The following GLRB variants were observed in gnomAD, a reference collection of about 807,000 sequenced individuals.
GLRB encodes glycine receptor beta.
GLRB carries 33 observed loss-of-function variants against 54.2 expected under a neutral mutation model. The ratio of observed to expected loss-of-function variants is 0.61; its 90% CI spans 0.46 to 0.81. The LOEUF (loss-of-function observed/expected upper bound fraction) is 0.81. GLRB is among the 40% of genes least tolerant of loss of function. GLRB has a pLI of 0.00. For missense variants in GLRB, 572 were observed against 584.6 expected, an observed-to-expected ratio of 0.98 and a Z score of 0.22; for synonymous variants, 209 against 208.2, an observed-to-expected ratio of 1.00 and a Z score of -0.03.
intron 2 of GLRB, among the ~76,000 whole-genome samples, chr4:157,092,472 G>T (rs887568361): frequency 3.3e-5 from 5 of 152,178 alleles, no homozygotes; most frequent in African/African-American, 1.2e-4. Flanking sequence ...AAGTGGTTTT[G>T]CATGTTTACT....
At chr4:157,095,054 C>T (rs1734755076) in intron 2 of GLRB, among the ~76,000 whole-genome samples, 1 of 152,126 alleles carries the variant, frequency 6.6e-6, no homozygotes, top group Non-Finnish European at 1.5e-5. Flanking sequence ...GAACTTTGGT[C>T]GTGCTGATCT....
At chr4:157,132,501 T>G (rs1736253362) in intron 4 of GLRB, among the ~76,000 whole-genome samples, 1 of 151,874 alleles carries the variant, frequency 6.6e-6, no homozygotes, top group Non-Finnish European at 1.5e-5. Context: ...CTGTCAAAGT[T>G]TTTACTCTTT....
rs528903486 is a variant in GLRB, at chr4:157,163,178, G to A, written c.1198-7254G>A. Among the ~76,000 whole-genome samples, 269 of 152,292 alleles carry A rather than the reference G, an allele frequency of 1.8e-3. 1 individual carries two copies. Among genetic ancestry groups the A allele is most frequent in the African/African-American group, 5.6e-3 (232 of 41,572 alleles). ...TCCTGGTGTGCCATTTGCTAAGACC[G>A]TTGGAAAAGCACAGTATTATGGTGG... On this transcript the variant is annotated intron_variant, in intron 9 of 9. Transcript: ENST00000264428.
chr4:157,109,293 T>C (rs1490800862), intron 2 of GLRB, among the ~76,000 whole-genome samples: 1 of 152,052 alleles, frequency 6.6e-6, no homozygotes, highest in Non-Finnish European at 1.5e-5. Context: ...CTGGGATTTC[T>C]GAATCTGAAT....
intron 8 of GLRB, among the ~76,000 whole-genome samples, chr4:157,149,007 G>A (rs1736920121): frequency 6.6e-6 from 1 of 151,972 alleles, no homozygotes; most frequent in Non-Finnish European, 1.5e-5. Flanking sequence ...AAAAAGAAAA[G>A]GAAATAATAC....
intron 2 of GLRB, among the ~76,000 whole-genome samples, chr4:157,084,336 G>A (rs1045931864): frequency 3.9e-5 from 6 of 152,068 alleles, no homozygotes; most frequent in East Asian, 3.9e-4. Context: ...TTTGAAAGTT[G>A]CATTGGAAAT....
chr4:157,166,844 T>C (rs1377096245), intron 9 of GLRB, among the ~76,000 whole-genome samples: 1 of 152,096 alleles, frequency 6.6e-6, no homozygotes, highest in African/African-American at 2.4e-5. Context: ...TAATATTCTA[T>C]ATCTATAGTT....
At chr4:157,155,298 G>A (rs1216864671) in intron 9 of GLRB, among the ~76,000 whole-genome samples, 1 of 151,954 alleles carries the variant, frequency 6.6e-6, no homozygotes, top group Non-Finnish European at 1.5e-5. Flanking sequence ...ACTTGGCTAA[G>A]TTTTATATTT....
intron 2 of GLRB, among the ~76,000 whole-genome samples, chr4:157,088,832 G>A (rs1480734166): frequency 6.6e-6 from 1 of 151,754 alleles, no homozygotes; most frequent in Non-Finnish European, 1.5e-5. Context: ...ACATATTAAA[G>A]GGTCACCCAC....
intron 2 of GLRB, among the ~76,000 whole-genome samples, chr4:157,108,183 A>C (rs1735291371): frequency 6.6e-6 from 1 of 152,106 alleles, no homozygotes; most frequent in Non-Finnish European, 1.5e-5. Context: ...AGTTGTTTTC[A>C]TGCCTGCTAA....
Position 157,136,655 on chromosome 4 carries a change from C to G in GLRB, c.484C>G (p.Leu162Val). The G allele has an allele frequency of 1.2e-6, 2 of 1,612,370 alleles. No homozygotes were observed. The highest frequency in any genetic ancestry group is 8.5e-7 in the Non-Finnish European group (1 of 1,178,516). Residue 162 changes from leucine to valine, a missense_variant, in exon 5 of 10, where the codon CTC (leucine) becomes GTC (valine). Leu to Val is a conservative substitution (Grantham distance 32, BLOSUM62 1). Coordinates refer to ENST00000264428, the MANE Select transcript of GLRB (RefSeq NM_000824.5). Reference sequence around the variant, plus strand: ...TCATGATGTGACCCAGGAAAACATCCTCCTCTTTATTTTTCGTGATGGAGA... The same window carrying G: ...TCATGATGTGACCCAGGAAAACATCGTCCTCTTTATTTTTCGTGATGGAGA... ...NFHDVTQENI[L>V]LFIFRDGDVL... is the part of the protein sequence containing the mutation.
chr4:157,087,768 C>T (rs1447345877), intron 2 of GLRB, among the ~76,000 whole-genome samples: 3 of 150,500 alleles, frequency 2.0e-5, no homozygotes, highest in East Asian at 2.0e-4. Flanking sequence ...TTAAGGAATT[C>T]GACTTACTGA....
intron 6 of GLRB, 108 bp downstream of exon 6, chr4:157,136,994 TATAA>T: frequency 1.4e-6 from 1 of 703,058 alleles, no homozygotes; most frequent in Non-Finnish European, 2.6e-6. Context: ...GTGCTTTGAT[TATAA>T]ATAGTCATTA....
chr4:157,122,020 G>T (rs1735841068), intron 3 of GLRB, among the ~76,000 whole-genome samples: 1 of 149,630 alleles, frequency 6.7e-6, no homozygotes. Flanking sequence ...AATGTATTAG[G>T]GCAATTTAAA....
At chr4:157,081,658 C>T (rs530207696) in intron 2 of GLRB, among the ~76,000 whole-genome samples, 10 of 152,304 alleles carry the variant, frequency 6.6e-5, no homozygotes, top group South Asian at 4.1e-4. Context: ...ATACGTCTTA[C>T]GTTTTCATTC....
At chr4:157,077,279 T>C (rs2126405998) in intron 1 of GLRB, among the ~76,000 whole-genome samples, 1 of 152,286 alleles carries the variant, frequency 6.6e-6, no homozygotes, top group Middle Eastern at 3.4e-3. Context: ...ACAACACTTG[T>C]TTTATTTCTT....
intron 2 of GLRB, among the ~76,000 whole-genome samples, chr4:157,093,705 A>C (rs1734699802): frequency 6.9e-6 from 1 of 145,220 alleles, no homozygotes; most frequent in African/African-American, 2.6e-5. Flanking sequence ...CAGTGAGCTG[A>C]GATCGTGCCA....
At chr4:157,093,467 G>A (rs558710667) in intron 2 of GLRB, among the ~76,000 whole-genome samples, 4 of 152,024 alleles carry the variant, frequency 2.6e-5, no homozygotes, top group African/African-American at 9.7e-5. Flanking sequence ...CTGGCCAGGC[G>A]CAGTGACTCA....
At chr4:157,157,492 C>T (rs976694957) in intron 9 of GLRB, among the ~76,000 whole-genome samples, 4 of 152,040 alleles carry the variant, frequency 2.6e-5, no homozygotes, top group Non-Finnish European at 4.4e-5. Context: ...CCTCCCCGCT[C>T]CCCCCACCCC....
Sources: gnomAD v4.1 joint callset for allele counts (sites outside exome capture counted in the v4.1 genomes callset) on GRCh38, gnomAD v4.1.1 for gene constraint, MANE v1.5 for transcripts, NCBI Gene and HGNC (gene_info 2026-07-23, HGNC 2026-07-21) for gene names.